The following XRCC4 variants were observed in gnomAD, a reference collection of about 807,000 sequenced individuals.
XRCC4 encodes the protein X-ray repair cross complementing 4, also known as DNA repair protein XRCC4.
XRCC4 carries 28 observed loss-of-function variants against 39.1 expected under a neutral mutation model. That is an observed-to-expected ratio of 0.72 (90% confidence interval 0.53 to 0.98). The LOEUF is 0.98. XRCC4 is among the 50% of genes least tolerant of loss of function. The pLI, the probability that XRCC4 is intolerant of heterozygous loss-of-function variation, is 0.00. For missense variants in XRCC4, 350 were observed against 376.4 expected, an observed-to-expected ratio of 0.93 and a Z score of 0.58; for synonymous variants, 123 against 126.4, an observed-to-expected ratio of 0.97 and a Z score of 0.18.
At chr5:83,091,496 G>GCCAAA (rs996203566) in intron 1 of XRCC4, among the ~76,000 whole-genome samples, 1 of 152,118 alleles carries the variant, frequency 6.6e-6, no homozygotes, top group African/African-American at 2.4e-5. Context: ...TGGGGACACA[G>GCCAAA]CCAAACCATA....
At chr5:83,130,437 G>T (rs7442931) in intron 3 of XRCC4, among the ~76,000 whole-genome samples, 74,501 of 151,790 alleles carry the variant, frequency 0.49, 19,231 homozygotes, top group African/African-American at 0.63. Flanking sequence ...GTCTTTTTTT[G>T]GTTGTGTCTC....
chr5:83,334,110 C>T (rs1172972000), intron 7 of XRCC4, among the ~76,000 whole-genome samples: 1 of 152,076 alleles, frequency 6.6e-6, no homozygotes, highest in Non-Finnish European at 1.5e-5. Flanking sequence ...ATAGGAACAA[C>T]CACTGTGATA....
chr5:83,119,240 C>T (rs1276769956), intron 3 of XRCC4, among the ~76,000 whole-genome samples: 1 of 152,038 alleles, frequency 6.6e-6, no homozygotes, highest in Non-Finnish European at 1.5e-5. Flanking sequence ...TGTATTCTGC[C>T]AAAGATTTTG....
intron 7 of XRCC4, among the ~76,000 whole-genome samples, chr5:83,307,620 G>T (rs1173588980): frequency 6.6e-6 from 1 of 152,214 alleles, no homozygotes; most frequent in African/African-American, 2.4e-5. Context: ...AGAATCTTGA[G>T]TTGGTGAATG....
chr5:83,374,175 G>C, the XRCC4 span, among the ~76,000 whole-genome samples: 2 of 152,068 alleles, frequency 1.3e-5, no homozygotes, highest in Non-Finnish European at 1.5e-5. Flanking sequence ...GATATGATTT[G>C]GCTGTGTCCT....
chr5:83,309,296 A>AATATATATATATAT (rs1225850304), intron 7 of XRCC4, among the ~76,000 whole-genome samples: 78 of 72,202 alleles, frequency 1.1e-3, no homozygotes, highest in Middle Eastern at 0.014. Context: ...AAAAAAAAAA[A>AATATATATATATAT]ATATATATAT....
chr5:83,216,806 C>T (rs1389119375), intron 6 of XRCC4, among the ~76,000 whole-genome samples: 1 of 151,974 alleles, frequency 6.6e-6, no homozygotes, highest in Non-Finnish European at 1.5e-5. Context: ...TTTGCTAAAG[C>T]TTGGAGTGGA....
intron 7 of XRCC4, among the ~76,000 whole-genome samples, chr5:83,314,778 C>G (rs1755822382): frequency 1.3e-5 from 2 of 152,054 alleles, no homozygotes; most frequent in Admixed American, 1.3e-4. Flanking sequence ...CAAACTTAAT[C>G]AATAAATGTT....
intron 3 of XRCC4, among the ~76,000 whole-genome samples, chr5:83,130,194 T>C (rs981641308): frequency 2.7e-5 from 3 of 112,202 alleles, no homozygotes; most frequent in African/African-American, 8.3e-5. Context: ...TTGAATTTTG[T>C]CAAAGGCCTT....
intron 7 of XRCC4, among the ~76,000 whole-genome samples, chr5:83,276,696 G>A (rs1328647128): frequency 1.3e-5 from 2 of 151,984 alleles, no homozygotes; most frequent in Non-Finnish European, 2.9e-5. Context: ...ATAAGTTACC[G>A]TTTCCTATTT....
intron 1 of XRCC4, 124 bp from the exon 2 acceptor site, chr5:83,104,786 C>T (rs1746115114): frequency 2.7e-6 from 2 of 745,796 alleles, no homozygotes; most frequent in Admixed American, 5.9e-5. Context: ...ACCTATTATA[C>T]AGTTTTTTTG....
At chr5:83,278,094 A>G (rs1754399062) in intron 7 of XRCC4, among the ~76,000 whole-genome samples, 2 of 152,212 alleles carry the variant, frequency 1.3e-5, no homozygotes, top group Non-Finnish European at 2.9e-5. Context: ...AAATGGAGTC[A>G]AGCTCCCATC....
intron 3 of XRCC4, among the ~76,000 whole-genome samples, chr5:83,146,048 T>G (rs1317711855): frequency 6.6e-6 from 1 of 152,198 alleles, no homozygotes; most frequent in African/African-American, 2.4e-5. Flanking sequence ...TATTGAACTT[T>G]CCACTTGTTA....
In XRCC4 at chr5:83,229,821, T is replaced by C. The variant is rs563635921; in HGVS notation, c.745+24900T>C. Reference sequence around the variant, plus strand: ...GTCTCATTAAATACTGCATGCACCATTTTGCACAGTTGAATGTTTGCATTA... The same window carrying C: ...GTCTCATTAAATACTGCATGCACCACTTTGCACAGTTGAATGTTTGCATTA... On this transcript the variant is annotated intron_variant, in intron 6 of 7. Transcript: ENST00000396027. Among the ~76,000 whole-genome samples, 122 of 152,084 alleles carry C rather than the reference T, an allele frequency of 8.0e-4. No homozygotes were observed. In the Middle Eastern group the frequency reaches 0.01, roughly 13 times the overall value.
chr5:83,321,502 A>G (rs1225801226), intron 7 of XRCC4, among the ~76,000 whole-genome samples: 2 of 152,140 alleles, frequency 1.3e-5, no homozygotes, highest in Non-Finnish European at 2.9e-5. Flanking sequence ...TCTCAGATTA[A>G]ATTATTTTCT....
intron 6 of XRCC4, among the ~76,000 whole-genome samples, chr5:83,243,864 C>A (rs1262659078): frequency 6.6e-6 from 1 of 152,050 alleles, no homozygotes; most frequent in African/African-American, 2.4e-5. Context: ...TGTTGACCTA[C>A]CCGGCATTCC....
chr5:83,084,077 G>A (rs1317027264), intron 1 of XRCC4, among the ~76,000 whole-genome samples: 1 of 152,120 alleles, frequency 6.6e-6, no homozygotes, highest in Non-Finnish European at 1.5e-5. Flanking sequence ...TGGTACATAG[G>A]AAGTAATCAG....
intron 3 of XRCC4, among the ~76,000 whole-genome samples, chr5:83,181,078 T>G (rs1005309997): frequency 6.7e-6 from 1 of 150,154 alleles, no homozygotes. Context: ...CGAATTCTAT[T>G]TATCGCGAAG....
At chr5:83,097,715 G>A (rs754650212) in intron 1 of XRCC4, among the ~76,000 whole-genome samples, 2 of 152,112 alleles carry the variant, frequency 1.3e-5, no homozygotes, top group Non-Finnish European at 2.9e-5. Flanking sequence ...CTTAGTTAAT[G>A]CTGTTTCAGG....
Sources: gnomAD v4.1 joint callset for allele counts (sites outside exome capture counted in the v4.1 genomes callset) on GRCh38, gnomAD v4.1.1 for gene constraint, MANE v1.5 for transcripts, NCBI Gene and HGNC (gene_info 2026-07-23, HGNC 2026-07-21) for gene names.